The following BMP6 variants were observed in gnomAD, a reference collection of about 807,000 sequenced individuals.
BMP6 encodes the protein bone morphogenetic protein 6, also known as VG-1-R.
In BMP6, 17 loss-of-function variants were observed where a neutral mutation model predicts 54.1. The ratio of observed to expected loss-of-function variants is 0.31; its 90% CI spans 0.22 to 0.47. The LOEUF is 0.47. BMP6 is among the 20% of genes least tolerant of loss of function. BMP6 has a pLI of 1.00. For missense variants in BMP6, 720 were observed against 690.4 expected (o/e 1.04, Z -0.48); for synonymous variants, 328 against 291.2 (o/e 1.13, Z -1.28).
intron 1 of BMP6, among the ~76,000 whole-genome samples, chr6:7,835,098 C>T (rs1016497720): frequency 6.6e-6 from 1 of 150,816 alleles, no homozygotes; most frequent in South Asian, 2.1e-4. Context: ...CCACAGAACC[C>T]AGATCACCCG....
At chr6:7,772,560 G>T (rs1043985453) in intron 1 of BMP6, among the ~76,000 whole-genome samples, 3 of 152,160 alleles carry the variant, frequency 2.0e-5, no homozygotes, top group Admixed American at 6.5e-5. Context: ...AACTGCCAAT[G>T]GGACCGAGTA....
chr6:7,756,917 G>C lies in BMP6; in HGVS notation c.664+29298G>C, dbSNP rs116115776. On this transcript the variant is annotated intron_variant, in intron 1 of 6. Coordinates refer to ENST00000283147, the MANE Select transcript of BMP6 (RefSeq NM_001718.6). The stretch of plus-strand genomic sequence containing the variant: ...TTTTTTTTCCTGCTGCTTTCCCATA[G>C]TTCTTTCCTTGCCTTGGAGGTTTTC... Among the ~76,000 whole-genome samples, 1,003 of 152,244 alleles carry C rather than the reference G, an allele frequency of 6.6e-3. 6 individuals are homozygous for C. Among genetic ancestry groups the C allele is most frequent in the Middle Eastern group, 0.014 (4 of 294 alleles).
At chr6:7,733,067 A>AT (rs11430719) in intron 1 of BMP6, among the ~76,000 whole-genome samples, 57,888 of 149,486 alleles carry the variant, frequency 0.39, 11,182 homozygotes, top group Middle Eastern at 0.51. Context: ...CCTGGCTAAT[A>AT]TTTTTTTTTT....
chr6:7,809,782 A>G (rs531638360), intron 1 of BMP6, among the ~76,000 whole-genome samples: 1 of 152,324 alleles, frequency 6.6e-6, no homozygotes, highest in African/African-American at 2.4e-5. Flanking sequence ...TACTGCGTTC[A>G]GCTTGCAAAA....
At chr6:7,736,505 T>C in intron 1 of BMP6, among the ~76,000 whole-genome samples, 1 of 152,232 alleles carries the variant, frequency 6.6e-6, no homozygotes, top group East Asian at 1.9e-4. Flanking sequence ...TTTAAAAGGC[T>C]TCCTCAGGAG....
chr6:7,730,031 G>A (rs62389984), intron 1 of BMP6, among the ~76,000 whole-genome samples: 3 of 152,188 alleles, frequency 2.0e-5, no homozygotes, highest in Non-Finnish European at 4.4e-5. Flanking sequence ...CAAGATCTCA[G>A]GTGATGTCAG....
intron 1 of BMP6, among the ~76,000 whole-genome samples, chr6:7,814,704 A>G (rs566836403): frequency 8.2e-4 from 125 of 152,288 alleles, no homozygotes; most frequent in Middle Eastern, 6.8e-3. Flanking sequence ...TACATTAAGT[A>G]TGTAGCTTGA....
intron 1 of BMP6, among the ~76,000 whole-genome samples, chr6:7,772,714 A>T (rs1757807760): frequency 6.6e-6 from 1 of 152,206 alleles, no homozygotes; most frequent in African/African-American, 2.4e-5. Context: ...CTCAGAATCC[A>T]TGAGGCTAAG....
chr6:7,735,983 A>T (rs144812967), intron 1 of BMP6, among the ~76,000 whole-genome samples: 1 of 152,232 alleles, frequency 6.6e-6, no homozygotes, highest in African/African-American at 2.4e-5. Flanking sequence ...GAATTATAAA[A>T]TACCTCAGTT....
At chr6:7,812,982 A>AAC (rs1758456671) in intron 1 of BMP6, among the ~76,000 whole-genome samples, 2 of 145,622 alleles carry the variant, frequency 1.4e-5, no homozygotes, top group South Asian at 4.4e-4. Context: ...GAAAAAAAAA[A>AAC]CATGCTGGGT....
chr6:7,774,336 G>A (rs1757831718), intron 1 of BMP6, among the ~76,000 whole-genome samples: 1 of 152,178 alleles, frequency 6.6e-6, no homozygotes, highest in African/African-American at 2.4e-5. Context: ...GATTACTTGA[G>A]GTCAGGAGTT....
chr6:7,734,297 C>T (rs190098793), intron 1 of BMP6, among the ~76,000 whole-genome samples: 190 of 152,304 alleles, frequency 1.2e-3, no homozygotes, highest in Non-Finnish European at 1.5e-3. Context: ...TTGAAAAGTT[C>T]TCGCATATCA....
Position 7,727,635 on chromosome 6 carries a change from A to G in BMP6, c.664+16A>G. The stretch of plus-strand genomic sequence containing the variant: ...GTGAACCTGGGTAAGGATTTGGGGT[A>G]ACGTAATGACGAGAACATTTCCCCC... On this transcript the variant is annotated intron_variant, in intron 1 of 6. Coordinates refer to ENST00000283147, the MANE Select transcript of BMP6 (RefSeq NM_001718.6). 6.6e-7 allele frequency: 1 copy of G among 1,526,476 alleles called. No individual in the cohort carries two copies. Among genetic ancestry groups the G allele is most frequent in the Non-Finnish European group, 8.7e-7 (1 of 1,144,490 alleles). The allele number at this position is 1,526,476 out of a possible 1,614,324, so 94.6% of individuals were successfully genotyped here. A position where few individuals can be genotyped will look rare whatever the true frequency, so the allele number is the denominator to read the frequency against.
chr6:7,810,546 G>T (rs748087710), intron 1 of BMP6, among the ~76,000 whole-genome samples: 41 of 152,114 alleles, frequency 2.7e-4, no homozygotes, highest in Non-Finnish European at 5.4e-4. Flanking sequence ...CCTGTACATG[G>T]GAAGTCCCTG....
At position 7,844,510 on chromosome 6, in the gene BMP6, T is replaced by G. The variant is rs1464997543; in HGVS notation, c.665-630T>G. On this transcript the variant is annotated intron_variant, in intron 1 of 6. Coordinates refer to ENST00000283147, the MANE Select transcript of BMP6 (RefSeq NM_001718.6). ...TGCTCAGAGTCGTGGAGCCTTCAGG[T>G]TCTACCAGTAGGAGGAAGGCATAAA... 2.0e-5 allele frequency among the ~76,000 whole-genome samples: 3 copies of G among 152,010 alleles called. No individual in the cohort carries two copies. The East Asian group carries it at 5.8e-4, about 29-fold the overall frequency.
rs557234995 is a variant in BMP6 at position 7,747,429 on chromosome 6, GA to G, written c.664+19812del. On this transcript the variant is annotated intron_variant, in intron 1 of 6. Transcript: ENST00000283147. Reference sequence around the variant, plus strand: ...AACATGAGCACCTTTGAAGATGGAGGAAGGGGTCCCCAGGCCGAGGAATGCA... The same window carrying G: ...AACATGAGCACCTTTGAAGATGGAGGAGGGGTCCCCAGGCCGAGGAATGCA... Among the ~76,000 whole-genome samples, 21 of 152,306 alleles carry G rather than the reference GA, an allele frequency of 1.4e-4. No homozygotes were observed. The South Asian group carries it at 4.4e-3, about 32-fold the overall frequency.
intron 1 of BMP6, among the ~76,000 whole-genome samples, chr6:7,838,121 GA>G (rs1338494282): frequency 1.3e-5 from 2 of 152,210 alleles, no homozygotes; most frequent in African/African-American, 4.8e-5. Flanking sequence ...CTTGAGGTCT[GA>G]AAACAGTTGA....
chr6:7,825,741 C>A (rs1167598385), intron 1 of BMP6, among the ~76,000 whole-genome samples: 7 of 145,688 alleles, frequency 4.8e-5, no homozygotes, highest in East Asian at 3.9e-4. Flanking sequence ...AAACAAAAAC[C>A]AAAAAAAAAA....
intron 1 of BMP6, among the ~76,000 whole-genome samples, chr6:7,750,390 AAGGGCAGGATG>A (rs1757404790): frequency 6.6e-6 from 1 of 152,202 alleles, no homozygotes; most frequent in African/African-American, 2.4e-5. Context: ...AGGAAACGAT[AAGGGCAGGATG>A]AGGAAGCAGA....
Sources: allele counts gnomAD v4.1 joint callset (sites outside exome capture counted in the v4.1 genomes callset), GRCh38; gene constraint gnomAD v4.1.1; transcripts MANE v1.5; gene names NCBI Gene and HGNC (gene_info 2026-07-23, HGNC 2026-07-21).